CRISPLD2: variants seen among roughly 807,000 people sequenced by gnomAD.
The protein encoded by CRISPLD2 is cysteine rich secretory protein LCCL domain containing 2.
CRISPLD2 carries 47 observed loss-of-function variants against 71.1 expected under a neutral mutation model. The observed-to-expected ratio is 0.66, with a 90% CI of 0.52 to 0.84. The LOEUF (loss-of-function observed/expected upper bound fraction) is 0.84, where lower values mean the gene tolerates loss of function less well. Ranked by LOEUF, CRISPLD2 falls within the 40% of genes least tolerant of loss-of-function variation. The pLI, the probability that CRISPLD2 is intolerant of heterozygous loss-of-function variation, is 0.00. For missense variants in CRISPLD2, 830 were observed against 651.1 expected (o/e 1.27, Z -2.99); for synonymous variants, 317 against 250.1 (o/e 1.27, Z -2.52).
At chr16:84,893,121 CG>C (rs1477603869) in intron 14 of CRISPLD2, among the ~76,000 whole-genome samples, 1 of 152,018 alleles carries the variant, frequency 6.6e-6, no homozygotes, top group African/African-American at 2.4e-5. Context: ...GGGTGATGGC[CG>C]GGACAGTATG....
intron 1 of CRISPLD2, among the ~76,000 whole-genome samples, chr16:84,834,383 G>C (rs1916564493): frequency 6.6e-6 from 1 of 152,250 alleles, no homozygotes; most frequent in Non-Finnish European, 1.5e-5. Context: ...AAGTGCTTCG[G>C]TCCCGGTTCC....
intron 6 of CRISPLD2, among the ~76,000 whole-genome samples, chr16:84,865,227 C>G (rs1320257519): frequency 6.6e-6 from 1 of 151,646 alleles, no homozygotes; most frequent in East Asian, 1.9e-4. Context: ...ACGATCTCCA[C>G]TCACTGCAAC....
intron 6 of CRISPLD2, among the ~76,000 whole-genome samples, chr16:84,865,291 G>A (rs1324369771): frequency 1.3e-5 from 2 of 152,138 alleles, no homozygotes; most frequent in African/African-American, 4.8e-5. Context: ...AAGTAGCTGG[G>A]ACTACAGGCA....
intron 13 of CRISPLD2, among the ~76,000 whole-genome samples, chr16:84,881,517 TCTTGTC>T (rs2071568412): frequency 6.6e-6 from 1 of 152,238 alleles, no homozygotes; most frequent in Admixed American, 6.5e-5. Flanking sequence ...GGCTGTGTGA[TCTTGTC>T]AAGCTGTTTC....
chr16:84,878,463 C>T (rs994159271), intron 12 of CRISPLD2, among the ~76,000 whole-genome samples: 67 of 147,902 alleles, frequency 4.5e-4, no homozygotes, highest in African/African-American at 1.7e-3. Context: ...TCTGGCTTCT[C>T]ACTCTGCGTC....
At chr16:84,820,839 G>A (rs2143118597) in intron 1 of CRISPLD2, among the ~76,000 whole-genome samples, 1 of 152,272 alleles carries the variant, frequency 6.6e-6, no homozygotes, top group East Asian at 1.9e-4. Flanking sequence ...CTCCTGCGTG[G>A]GGAGAGTTAC....
chr16:84,848,958 C>T (rs1173855893), intron 3 of CRISPLD2, among the ~76,000 whole-genome samples: 1 of 73,546 alleles, frequency 1.4e-5, no homozygotes, highest in African/African-American at 3.7e-5. Flanking sequence ...TGCACTCCAG[C>T]CTGGGCGACA....
intron 11 of CRISPLD2, among the ~76,000 whole-genome samples, chr16:84,875,023 T>A (rs1217470513): frequency 6.6e-6 from 1 of 152,174 alleles, no homozygotes; most frequent in Non-Finnish European, 1.5e-5. Flanking sequence ...GGAGGATTGC[T>A]TGAGCCCAGG....
At chr16:84,901,853 G>T (rs1166841678) in intron 14 of CRISPLD2, among the ~76,000 whole-genome samples, 2 of 139,760 alleles carry the variant, frequency 1.4e-5, no homozygotes, top group Non-Finnish European at 3.0e-5. Flanking sequence ...GAGTGCAGTG[G>T]TGTGATCTCG....
intron 8 of CRISPLD2, among the ~76,000 whole-genome samples, chr16:84,871,603 G>A (rs1280726422): frequency 6.6e-6 from 1 of 151,974 alleles, no homozygotes; most frequent in African/African-American, 2.4e-5. Context: ...CCAGGCTGGA[G>A]TGCAGTGGCA....
intron 2 of CRISPLD2, chr16:84,839,568 C>G (rs1429997738): frequency 6.5e-6 from 1 of 152,948 alleles, no homozygotes; most frequent in Non-Finnish European, 1.5e-5. Flanking sequence ...AGAAGACAGC[C>G]AAGGTCAACC....
intron 3 of CRISPLD2, chr16:84,849,163 C>G: frequency 1.9e-6 from 1 of 535,652 alleles, no homozygotes; most frequent in Non-Finnish European, 3.4e-6. Flanking sequence ...ATTCCCCCAC[C>G]TCGGCCTCCC....
intron 6 of CRISPLD2, chr16:84,862,970 C>G (rs1917428510): frequency 6.6e-6 from 1 of 152,114 alleles, no homozygotes. Context: ...CTAAGACAGA[C>G]CATGTATCTG....
chr16:84,903,695 T>C (rs1458400093), intron 14 of CRISPLD2, among the ~76,000 whole-genome samples: 1 of 151,704 alleles, frequency 6.6e-6, no homozygotes, highest in East Asian at 1.9e-4. Flanking sequence ...GAAGACATGC[T>C]CCAGAGGTGA....
intron 7 of CRISPLD2, among the ~76,000 whole-genome samples, chr16:84,868,422 G>A (rs1235097853): frequency 6.6e-6 from 1 of 152,182 alleles, no homozygotes; most frequent in African/African-American, 2.4e-5. Context: ...AGCCTGGCTG[G>A]GTCTCCGGCC....
chr16:84,830,398 A>T (rs958541550), intron 1 of CRISPLD2, among the ~76,000 whole-genome samples: 1 of 152,250 alleles, frequency 6.6e-6, no homozygotes, highest in African/African-American at 2.4e-5. Context: ...ACGTTAGATT[A>T]TAAAAACTTA....
chr16:84,825,059 A>G (rs542251646), intron 1 of CRISPLD2, among the ~76,000 whole-genome samples: 2 of 152,106 alleles, frequency 1.3e-5, no homozygotes, highest in African/African-American at 2.4e-5. Flanking sequence ...AGCCGAGATC[A>G]CGCCACCACT....
intron 1 of CRISPLD2, among the ~76,000 whole-genome samples, chr16:84,823,341 G>C (rs1243733480): frequency 6.6e-6 from 1 of 152,190 alleles, no homozygotes; most frequent in Non-Finnish European, 1.5e-5. Flanking sequence ...GGTTTTTTGA[G>C]GGCGGATGTT....
At chr16:84,850,462 C>A in intron 4 of CRISPLD2, 106 bp from the exon 5 acceptor site, 2 of 837,784 alleles carry the variant, frequency 2.4e-6, no homozygotes, top group Non-Finnish European at 4.0e-6. Flanking sequence ...CCCAACCCTT[C>A]ACCTCGTACC....
Sources: gnomAD v4.1 joint callset for allele counts (sites outside exome capture counted in the v4.1 genomes callset) on GRCh38, gnomAD v4.1.1 for gene constraint, MANE v1.5 for transcripts, NCBI Gene and HGNC (gene_info 2026-07-23, HGNC 2026-07-21) for gene names.